NCKAP5: variants seen among roughly 807,000 people sequenced by gnomAD.
The protein encoded by NCKAP5 is nck-associated protein 5.
NCKAP5 carries 92 observed loss-of-function variants against 167.0 expected under a neutral mutation model. The ratio of observed to expected loss-of-function variants is 0.55; its 90% CI spans 0.47 to 0.66. The LOEUF is 0.66. Ranked by LOEUF, NCKAP5 falls within the 30% of genes least tolerant of loss-of-function variation. NCKAP5 has a pLI of 0.00. For missense variants in NCKAP5, 2,378 were observed against 2,315.0 expected (o/e 1.03, Z -0.56); for synonymous variants, 891 against 877.4 (o/e 1.02, Z -0.27).
intron 4 of NCKAP5, among the ~76,000 whole-genome samples, chr2:133,231,884 T>G (rs2087166025): frequency 6.6e-6 from 1 of 152,202 alleles, no homozygotes; most frequent in Non-Finnish European, 1.5e-5. Flanking sequence ...TCCCTTTAAT[T>G]TTATGCTAGT....
intron 16 of NCKAP5, among the ~76,000 whole-genome samples, chr2:132,747,083 T>C (rs912175915): frequency 6.6e-6 from 1 of 151,620 alleles, no homozygotes; most frequent in African/African-American, 2.4e-5. Flanking sequence ...AAAAACTTAC[T>C]GAACTATACA....
chr2:133,179,512 G>A (rs1459292118), intron 5 of NCKAP5, among the ~76,000 whole-genome samples: 2 of 152,098 alleles, frequency 1.3e-5, no homozygotes, highest in Non-Finnish European at 2.9e-5. Context: ...ATGACAACGA[G>A]AAGACAGAGA....
At chr2:133,144,267 T>C (rs912045545) in intron 5 of NCKAP5, among the ~76,000 whole-genome samples, 1 of 152,090 alleles carries the variant, frequency 6.6e-6, no homozygotes, top group Non-Finnish European at 1.5e-5. Context: ...AATTCTGCTC[T>C]GGTAGCACGA....
chr2:133,615,245 T>C, the NCKAP5 span, among the ~76,000 whole-genome samples: 21,482 of 150,530 alleles, frequency 0.14, 1,961 homozygotes, highest in South Asian at 0.19. Flanking sequence ...CATCAACTAA[T>C]GAGCAAAATA....
At chr2:133,027,170 T>A (rs932223537) in intron 6 of NCKAP5, among the ~76,000 whole-genome samples, 2 of 152,154 alleles carry the variant, frequency 1.3e-5, no homozygotes, top group Non-Finnish European at 2.9e-5. Flanking sequence ...TTAATATGAC[T>A]ATGACAAGAA....
At chr2:132,763,546 T>C (rs1681190964) in intron 16 of NCKAP5, among the ~76,000 whole-genome samples, 1 of 152,190 alleles carries the variant, frequency 6.6e-6, no homozygotes, top group Non-Finnish European at 1.5e-5. Context: ...TTAATTAATA[T>C]GGGGTGTGAT....
intron 8 of NCKAP5, among the ~76,000 whole-genome samples, chr2:132,928,119 C>G (rs963829920): frequency 3.9e-5 from 6 of 152,154 alleles, no homozygotes; most frequent in African/African-American, 1.2e-4. Flanking sequence ...GGTCAGACTA[C>G]TTGGGAATCC....
chr2:132,697,225 G>C (rs1687424927), intron 19 of NCKAP5, among the ~76,000 whole-genome samples: 7 of 152,208 alleles, frequency 4.6e-5, no homozygotes, highest in Non-Finnish European at 7.3e-5. Flanking sequence ...TTAAAGAGCA[G>C]TCACCTTGGA....
intron 4 of NCKAP5, among the ~76,000 whole-genome samples, chr2:133,260,249 A>G (rs2088834115): frequency 6.6e-6 from 1 of 152,204 alleles, no homozygotes; most frequent in Non-Finnish European, 1.5e-5. Context: ...TGCCTGACAC[A>G]TGGTAGGCAC....
chr2:132,868,997 T>G (rs1408786081), intron 9 of NCKAP5, 23 bp from the exon 10 acceptor site: 2 of 1,516,308 alleles, frequency 1.3e-6, no homozygotes, highest in Non-Finnish European at 1.8e-6. Flanking sequence ...AAGAAAAAGT[T>G]GTCATTTATA....
At chr2:133,448,250 GAA>G (rs58596848) in intron 3 of NCKAP5, among the ~76,000 whole-genome samples, 2 of 140,920 alleles carry the variant, frequency 1.4e-5, no homozygotes, top group Admixed American at 7.1e-5. Flanking sequence ...ATTGTTCTGG[GAA>G]AAAAAAAAAA....
At chr2:132,724,392 C>A (rs575334880) in intron 19 of NCKAP5, among the ~76,000 whole-genome samples, 1 of 152,296 alleles carries the variant, frequency 6.6e-6, no homozygotes, top group African/African-American at 2.4e-5. Flanking sequence ...TCAACAAATA[C>A]TTACTCAATA....
the NCKAP5 span, among the ~76,000 whole-genome samples, chr2:133,658,067 C>T: frequency 1.1e-3 from 161 of 152,190 alleles, no homozygotes; most frequent in African/African-American, 3.8e-3. Flanking sequence ...CATAGCCCTC[C>T]CCTAACAGAG....
intron 11 of NCKAP5, among the ~76,000 whole-genome samples, chr2:132,829,692 G>T (rs1009466385): frequency 2.0e-5 from 3 of 152,106 alleles, no homozygotes; most frequent in African/African-American, 7.2e-5. Flanking sequence ...GAAAAAGTCA[G>T]ATTACTGGAC....
At chr2:132,790,865 C>G (rs1025007769) in intron 12 of NCKAP5, among the ~76,000 whole-genome samples, 5 of 152,178 alleles carry the variant, frequency 3.3e-5, no homozygotes, top group African/African-American at 1.2e-4. Flanking sequence ...AAGCTGCCAT[C>G]ATTATTAGGC....
At chr2:132,992,280 T>TA (rs2077471775) in intron 7 of NCKAP5, among the ~76,000 whole-genome samples, 1 of 152,234 alleles carries the variant, frequency 6.6e-6, no homozygotes, top group African/African-American at 2.4e-5. Context: ...GTAATAGTTT[T>TA]AAAACACGTT....
chr2:132,915,277 A>G (rs1694777863), intron 8 of NCKAP5, among the ~76,000 whole-genome samples: 1 of 152,016 alleles, frequency 6.6e-6, no homozygotes, highest in South Asian at 2.1e-4. Flanking sequence ...TCAGATGAGA[A>G]GACGAGAGGC....
At chr2:133,618,399 C>T in the NCKAP5 span, among the ~76,000 whole-genome samples, 7 of 149,980 alleles carry the variant, frequency 4.7e-5, no homozygotes, top group Admixed American at 1.3e-4. Flanking sequence ...TTTCACAACC[C>T]ACTCATCTGA....
At chr2:133,405,403 G>C (rs1400131030) in intron 3 of NCKAP5, among the ~76,000 whole-genome samples, 2 of 152,118 alleles carry the variant, frequency 1.3e-5, no homozygotes, top group Admixed American at 1.3e-4. Context: ...ACTACTCTTC[G>C]GGGCCATTTT....
Sources: allele counts gnomAD v4.1 joint callset (sites outside exome capture counted in the v4.1 genomes callset), GRCh38; gene constraint gnomAD v4.1.1; transcripts MANE v1.5; gene names NCBI Gene and HGNC (gene_info 2026-07-23, HGNC 2026-07-21).